PDS5A: variants seen among roughly 807,000 people sequenced by gnomAD.
The protein encoded by PDS5A is sister chromatid cohesion protein PDS5 homolog A.
PDS5A carries 42 observed loss-of-function variants against 167.1 expected under a neutral mutation model. The observed-to-expected ratio is 0.25, with a 90% CI of 0.20 to 0.33. The LOEUF is 0.33. Among genes scored for constraint, PDS5A ranks in the 10% least tolerant of loss-of-function variants. PDS5A has a pLI of 1.00. For synonymous variants in PDS5A, 553 were observed against 554.6 expected, an observed-to-expected ratio of 1.00 and a Z score of 0.04; for missense variants, 1,033 against 1,605.9, an observed-to-expected ratio of 0.64 and a Z score of 6.10.
rs201886708 is a variant in PDS5A, at chr4:39,928,825, TA to T, written c.139-662del. 5.0e-3 allele frequency among the ~76,000 whole-genome samples: 693 copies of T among 139,276 alleles called. 1 individual carries two copies. Among genetic ancestry groups the T allele is most frequent in the African/African-American group, 8.2e-3 (307 of 37,496 alleles). 91.4% of individuals were successfully genotyped at this position (139,276 alleles called of 152,430 possible). A position where few individuals can be genotyped will look rare whatever the true frequency, so the allele number is the denominator to read the frequency against. ...AGGCAACAGAGTGAGACACTGTCTT[TA>T]AAAAAAAAAAAAAAGGCATTTTAAA... is the stretch of plus-strand genomic sequence containing the variant. On this transcript the variant is annotated intron_variant, in intron 2 of 32. Transcript: ENST00000303538.
In PDS5A at chr4:39,844,741, G is replaced by C. The variant is rs757908959; in HGVS notation, c.3463C>G (p.Pro1155Ala). The change falls in exon 30 of 33, where the codon CCC (proline) becomes GCC (alanine). Residue 1155 changes from proline to alanine, a missense_variant. By Grantham distance (27) the Pro-to-Ala change is conservative. Coordinates refer to ENST00000303538, the MANE Select transcript of PDS5A (RefSeq NM_001100399.2). Reference sequence around the variant, plus strand: ...TCAGTGCCAGTGCTTCTAACATAGGGTTTCCTTCCCGTTGCTGATAAAGGC... The same window carrying C: ...TCAGTGCCAGTGCTTCTAACATAGGCTTTCCTTCCCGTTGCTGATAAAGGC... Reference protein sequence around the residue: ...NKPLSATGRKPYVRSTGTETG... With the variant: ...NKPLSATGRKAYVRSTGTETG... 4 of 1,613,342 alleles carry C rather than the reference G, an allele frequency of 2.5e-6. No individual in the cohort carries two copies. In the African/African-American group the frequency reaches 5.3e-5, roughly 22 times the overall value.
In PDS5A at chr4:39,829,950, C is replaced by CAAAAAAAAAAA. The variant is rs1158287221; in HGVS notation, c.4011-4473_4011-4463dup. ...TGGGCGACAGACTGAGACTCCAACT[C>CAAAAAAAAAAA]AAAAAAAAAAAAAAAAAAAAAAAAA... On this transcript the variant is annotated intron_variant, in intron 32 of 32. Coordinates refer to ENST00000303538, the MANE Select transcript of PDS5A (RefSeq NM_001100399.2). 8.2e-4 allele frequency among the ~76,000 whole-genome samples: 55 copies of CAAAAAAAAAAA among 67,304 alleles called. 3 individuals carry two copies. Among genetic ancestry groups the CAAAAAAAAAAA allele is most frequent in the African/African-American group, 2.2e-3 (26 of 11,922 alleles). The allele number at this position is 67,304 out of a possible 152,430, so 44.2% of individuals were successfully genotyped here.
intron 10 of PDS5A, among the ~76,000 whole-genome samples, chr4:39,909,041 A>AAAATAACATAACATAAAATAAAATAAAAT (rs1342278633): frequency 1.7e-4 from 6 of 35,282 alleles, no homozygotes; most frequent in African/African-American, 1.4e-3. Flanking sequence ...CCTGTATCAA[A>AAAATAACATAACATAAAATAAAATAAAAT]AAATAAAATA....
intron 16 of PDS5A, among the ~76,000 whole-genome samples, chr4:39,891,494 C>CA (rs1244483824): frequency 4.6e-5 from 7 of 151,388 alleles, no homozygotes; most frequent in Non-Finnish European, 8.8e-5. Flanking sequence ...ATTAAAAATA[C>CA]AAAATCAGCC....
intron 22 of PDS5A, among the ~76,000 whole-genome samples, chr4:39,868,410 C>T (rs1252579096): frequency 1.3e-5 from 2 of 152,240 alleles, no homozygotes; most frequent in African/African-American, 4.8e-5. Flanking sequence ...CTCACTGCAA[C>T]CTCTACCTCC....
chr4:39,864,016 G>C (rs1719219081), intron 23 of PDS5A, among the ~76,000 whole-genome samples: 2 of 152,012 alleles, frequency 1.3e-5, no homozygotes, highest in Non-Finnish European at 2.9e-5. Context: ...TGTAGTCCCA[G>C]CTACTTGGGA....
intron 32 of PDS5A, chr4:39,837,081 C>G (rs1011045275): frequency 6.7e-6 from 1 of 150,314 alleles, no homozygotes; most frequent in African/African-American, 2.5e-5. Flanking sequence ...ATCCACCCAC[C>G]TAGGCCTCCC....
chr4:39,842,186 G>A (rs375007565), intron 30 of PDS5A, 130 bp from the exon 31 acceptor site: 202 of 622,708 alleles, frequency 3.2e-4, no homozygotes, highest in South Asian at 2.7e-3. Flanking sequence ...AGCAAGATTC[G>A]GATACTCTGT....
Position 39,959,549 on chromosome 4 carries a change from G to A in PDS5A, c.138+16891C>T, listed in dbSNP as rs74549192. Among the ~76,000 whole-genome samples the A allele has an allele frequency of 5.9e-3, 903 of 152,046 alleles. 2 individuals are homozygous for A. The highest frequency in any genetic ancestry group is 0.014 in the South Asian group (66 of 4,810). On this transcript the variant is annotated intron_variant, in intron 2 of 32. Coordinates refer to ENST00000303538, the MANE Select transcript of PDS5A (RefSeq NM_001100399.2). ...GTATTTTTAGTACCATGCTGCCAAA[G>A]CTGGTAGCAAACTCTCGAGCTCAAG...
At chr4:39,959,444 C>T (rs554845475) in intron 2 of PDS5A, among the ~76,000 whole-genome samples, 1 of 152,220 alleles carries the variant, frequency 6.6e-6, no homozygotes, top group African/African-American at 2.4e-5. Context: ...TCTACCTCCC[C>T]AGGCTCAGGT....
chr4:39,973,648 A>C, intron 2 of PDS5A: 1 of 1,313,440 alleles, frequency 7.6e-7, no homozygotes, highest in Non-Finnish European at 1.1e-6. Context: ...GAACGGTAGA[A>C]CTGTGGCCAC....
At chr4:39,851,104 G>C (rs1323988073) in intron 26 of PDS5A, among the ~76,000 whole-genome samples, 1 of 152,068 alleles carries the variant, frequency 6.6e-6, no homozygotes, top group African/African-American at 2.4e-5. Flanking sequence ...CTTAGATACT[G>C]GATAGCTGCT....
chr4:39,910,836 T>C (rs996485918), intron 9 of PDS5A, among the ~76,000 whole-genome samples: 4 of 151,902 alleles, frequency 2.6e-5, no homozygotes, highest in Non-Finnish European at 4.4e-5. Context: ...CTCTACAAAA[T>C]ATACAAAAAT....
chr4:39,865,781 G>A (rs1195899032), intron 23 of PDS5A, among the ~76,000 whole-genome samples: 2 of 152,098 alleles, frequency 1.3e-5, no homozygotes, highest in South Asian at 2.1e-4. Context: ...GATTACAGGC[G>A]TAAGCCACTG....
At chr4:39,840,937 G>A (rs1057116225) in intron 31 of PDS5A, among the ~76,000 whole-genome samples, 1 of 151,842 alleles carries the variant, frequency 6.6e-6, no homozygotes, top group Admixed American at 6.6e-5. Flanking sequence ...TGTATTTTTA[G>A]TAGAGACGGG....
intron 26 of PDS5A, among the ~76,000 whole-genome samples, chr4:39,852,082 T>C (rs1292101192): frequency 9.2e-5 from 14 of 152,200 alleles, no homozygotes; most frequent in Admixed American, 8.5e-4. Flanking sequence ...AAAAGTATGA[T>C]TGTCTTGTGA....
intron 19 of PDS5A, 142 bp from the exon 20 acceptor site, chr4:39,874,554 T>A: frequency 1.5e-6 from 1 of 647,950 alleles, no homozygotes; most frequent in Non-Finnish European, 2.6e-6. Flanking sequence ...AAGAAAGTTG[T>A]AAAAAAGCTC....
At chr4:39,862,585 G>A (rs1028804606) in intron 25 of PDS5A, among the ~76,000 whole-genome samples, 2 of 152,074 alleles carry the variant, frequency 1.3e-5, no homozygotes, top group African/African-American at 4.8e-5. Context: ...ACAGGTCCCT[G>A]GCAAAGCTAG....
At chr4:39,974,339 C>G in intron 2 of PDS5A, 3 of 477,126 alleles carry the variant, frequency 6.3e-6, no homozygotes, top group South Asian at 4.9e-5. Context: ...AACACATCAA[C>G]TTTCCATTTT....
Sources: gnomAD v4.1 joint callset for allele counts (sites outside exome capture counted in the v4.1 genomes callset) on GRCh38, gnomAD v4.1.1 for gene constraint, MANE v1.5 for transcripts, NCBI Gene and HGNC (gene_info 2026-07-23, HGNC 2026-07-21) for gene names.